CHLSN: variants seen among roughly 807,000 people sequenced by gnomAD.
The protein encoded by CHLSN is protein cholesin.
the CHLSN span, among the ~76,000 whole-genome samples, chr7:1,091,210 C>T: frequency 2.6e-5 from 4 of 152,218 alleles, no homozygotes; most frequent in Admixed American, 2.6e-4. Context: ...GGAAAGAAGG[C>T]CATGTACTTC....
chr7:992,614 T>C, the CHLSN span, among the ~76,000 whole-genome samples: 1 of 152,204 alleles, frequency 6.6e-6, no homozygotes, highest in Non-Finnish European at 1.5e-5. Flanking sequence ...AGCTCCTCCC[T>C]CGGAGTGGGC....
At chr7:1,092,696 T>C in the CHLSN span, 1 of 1,613,398 alleles carries the variant, frequency 6.2e-7, no homozygotes, top group South Asian at 1.1e-5. Context: ...AACCCCCTCA[T>C]CTACAGCTTT....
chr7:1,135,336 T>C, the CHLSN span, among the ~76,000 whole-genome samples: 1 of 152,072 alleles, frequency 6.6e-6, no homozygotes, highest in East Asian at 1.9e-4. Context: ...TAGCTATAGT[T>C]GTATGTATAT....
chr7:1,114,420 G>C, the CHLSN span, among the ~76,000 whole-genome samples: 3 of 152,388 alleles, frequency 2.0e-5, no homozygotes, highest in South Asian at 2.1e-4. Flanking sequence ...TGAGCCTGGA[G>C]AAGTGCTGTT....
At chr7:979,051 G>C in the CHLSN span, among the ~76,000 whole-genome samples, 4 of 152,224 alleles carry the variant, frequency 2.6e-5, no homozygotes, top group African/African-American at 9.6e-5. Flanking sequence ...TGGGTCCACG[G>C]CACAGGTGTC....
the CHLSN span, among the ~76,000 whole-genome samples, chr7:993,902 C>T: frequency 1.4e-5 from 2 of 147,362 alleles, no homozygotes; most frequent in South Asian, 2.3e-4. Flanking sequence ...GTTTCTCAGA[C>T]ATCAATCCTG....
At chr7:1,116,532 A>AG in the CHLSN span, among the ~76,000 whole-genome samples, 2 of 49,796 alleles carry the variant, frequency 4.0e-5, no homozygotes, top group African/African-American at 1.6e-4. Flanking sequence ...CTGCAGTTCT[A>AG]GGACCGGCTT....
the CHLSN span, among the ~76,000 whole-genome samples, chr7:1,100,745 G>A: frequency 9.9e-5 from 15 of 151,896 alleles, no homozygotes; most frequent in African/African-American, 3.1e-4. Flanking sequence ...CCTGCCTCCC[G>A]GCCTCCACAG....
At chr7:1,038,224 A>G in the CHLSN span, among the ~76,000 whole-genome samples, 14 of 64,656 alleles carry the variant, frequency 2.2e-4, 1 homozygote, top group Non-Finnish European at 3.9e-4. Context: ...AGCCCCCCCG[A>G]CCGGCCAGCC....
chr7:1,092,856 G>C, the CHLSN span: 1 of 1,611,584 alleles, frequency 6.2e-7, no homozygotes, highest in Non-Finnish European at 8.5e-7. Context: ...GTGCCGTGTA[G>C]ACAGCCTTGG....
At chr7:1,057,370 G>C in the CHLSN span, 1 of 597,022 alleles carries the variant, frequency 1.7e-6, no homozygotes, top group Non-Finnish European at 3.0e-6. Flanking sequence ...ACCAAAGGCA[G>C]CCTCGCTCTG....
chr7:989,194 G>C, the CHLSN span: 9 of 266,454 alleles, frequency 3.4e-5, no homozygotes, highest in East Asian at 6.1e-4. Context: ...CATCCAGCCA[G>C]AGACAGGCGC....
chr7:1,081,145 C>T, the CHLSN span, among the ~76,000 whole-genome samples: 11 of 152,258 alleles, frequency 7.2e-5, no homozygotes, highest in East Asian at 3.8e-4. Flanking sequence ...GGTCCCTCCC[C>T]GCGTGCCGTC....
the CHLSN span, among the ~76,000 whole-genome samples, chr7:1,069,363 T>A: frequency 4.0e-4 from 56 of 140,670 alleles, no homozygotes; most frequent in African/African-American, 1.4e-3. Flanking sequence ...CTCTCCCCTC[T>A]CCCCTCTCCC....
the CHLSN span, among the ~76,000 whole-genome samples, chr7:1,001,841 A>G: frequency 2.5e-5 from 1 of 39,806 alleles, no homozygotes; most frequent in Non-Finnish European, 4.6e-5. Context: ...GTGGGTGGGG[A>G]GTCCTGTGGG....
At chr7:993,756 G>A in the CHLSN span, among the ~76,000 whole-genome samples, 1 of 152,164 alleles carries the variant, frequency 6.6e-6, no homozygotes, top group Non-Finnish European at 1.5e-5. Flanking sequence ...CAGCCTGGAC[G>A]ACAGAGCGGG....
At chr7:1,072,202 C>T in the CHLSN span, among the ~76,000 whole-genome samples, 2 of 152,250 alleles carry the variant, frequency 1.3e-5, no homozygotes, top group African/African-American at 4.8e-5. Flanking sequence ...AGCATCCTGG[C>T]TGCCCACGGT....
the CHLSN span, among the ~76,000 whole-genome samples, chr7:981,676 T>C: frequency 6.6e-6 from 1 of 151,758 alleles, no homozygotes; most frequent in South Asian, 2.1e-4. Flanking sequence ...ATCACGCCAT[T>C]GTAGTCCAGC....
the CHLSN span, among the ~76,000 whole-genome samples, chr7:981,478 C>T: frequency 1.3e-5 from 2 of 151,870 alleles, no homozygotes; most frequent in African/African-American, 2.4e-5. Context: ...TTTGGGAGGC[C>T]GAGGCGGGCG....
Sources: allele counts gnomAD v4.1 joint callset (sites outside exome capture counted in the v4.1 genomes callset), GRCh38; gene constraint gnomAD v4.1.1; transcripts MANE v1.5; gene names NCBI Gene and HGNC (gene_info 2026-07-23, HGNC 2026-07-21).